Variants in CFAP58 observed in about 807,000 individuals in gnomAD.
CFAP58 encodes cilia and flagella associated protein 58, also known as cilia- and flagella-associated protein 58.
CFAP58 carries 88 observed loss-of-function variants against 119.5 expected under a neutral mutation model. That is an observed-to-expected ratio of 0.74 (90% CI 0.62 to 0.88). The LOEUF (loss-of-function observed/expected upper bound fraction) is 0.88. Ranked by LOEUF, CFAP58 falls within the 40% of genes least tolerant of loss-of-function variation. CFAP58 has a pLI of 0.00. For missense variants in CFAP58, 990 were observed against 1,021.2 expected (o/e 0.97, Z 0.42); for synonymous variants, 365 against 366.3 (o/e 1.00, Z 0.04).
At chr10:104,359,333 C>T (rs2014636851) in intron 2 of CFAP58, among the ~76,000 whole-genome samples, 1 of 152,178 alleles carries the variant, frequency 6.6e-6, no homozygotes, top group Non-Finnish European at 1.5e-5. Flanking sequence ...CCATCCAGTT[C>T]AAATGAATTT....
At chr10:104,347,580 G>A in the CFAP58 span, among the ~76,000 whole-genome samples, 17 of 152,122 alleles carry the variant, frequency 1.1e-4, no homozygotes, top group Middle Eastern at 3.4e-3. Context: ...TTACCATGTC[G>A]TTAAGGGCCC....
At chr10:104,363,877 C>G (rs2014704868) in intron 3 of CFAP58, among the ~76,000 whole-genome samples, 1 of 152,234 alleles carries the variant, frequency 6.6e-6, no homozygotes, top group Non-Finnish European at 1.5e-5. Context: ...GCTCCAAGAG[C>G]TGCCTTGCTC....
the CFAP58 span, among the ~76,000 whole-genome samples, chr10:104,348,734 T>C: frequency 6.6e-6 from 1 of 152,186 alleles, no homozygotes; most frequent in Non-Finnish European, 1.5e-5. Context: ...TTAACTTCCT[T>C]CCGTGTCTCT....
At chr10:104,409,850 T>TA (rs891962836) in intron 15 of CFAP58, among the ~76,000 whole-genome samples, 100 of 126,320 alleles carry the variant, frequency 7.9e-4, no homozygotes, top group African/African-American at 2.4e-3. Flanking sequence ...CTCTTGTAAT[T>TA]AAAAAAAAAT....
At chr10:104,356,108 G>C (rs528475547) in intron 1 of CFAP58, among the ~76,000 whole-genome samples, 2 of 152,194 alleles carry the variant, frequency 1.3e-5, no homozygotes, top group Non-Finnish European at 2.9e-5. Context: ...CTACATTGTG[G>C]TCTTTGCAAT....
the CFAP58 span, among the ~76,000 whole-genome samples, chr10:104,339,968 T>C: frequency 6.6e-6 from 1 of 152,198 alleles, no homozygotes; most frequent in African/African-American, 2.4e-5. Flanking sequence ...GAGTTCAGCG[T>C]TGTGCTGGAA....
At chr10:104,371,924 G>GT (rs768403350) in intron 7 of CFAP58, among the ~76,000 whole-genome samples, 5 of 152,136 alleles carry the variant, frequency 3.3e-5, no homozygotes, top group African/African-American at 4.8e-5. Context: ...CCAGGTGGCT[G>GT]TAAGTTGTCA....
At chr10:104,360,244 G>A (rs1176144065) in intron 2 of CFAP58, among the ~76,000 whole-genome samples, 1 of 152,212 alleles carries the variant, frequency 6.6e-6, no homozygotes, top group Non-Finnish European at 1.5e-5. Context: ...AAGCTGTTGT[G>A]TATTAGTTGG....
At chr10:104,379,958 C>CAG in intron 8 of CFAP58, 71 bp from the exon 9 acceptor site, 1 of 1,235,574 alleles carries the variant, frequency 8.1e-7, no homozygotes, top group Non-Finnish European at 1.1e-6. Context: ...AGAGATGAGG[C>CAG]AGAGGGTAAA....
chr10:104,353,929 T>G (rs774846637), intron 1 of CFAP58, 23 bp downstream of exon 1: 1 of 1,613,316 alleles, frequency 6.2e-7, no homozygotes, highest in East Asian at 2.2e-5. Flanking sequence ...CGCCCCTCTG[T>G]CGCCTTTCCC....
chr10:104,399,357 C>A lies in CFAP58; in HGVS notation c.1675-3C>A. Reference sequence around the variant, plus strand: ...TTTGCCTGTATCTTCCACTCTTTGTCAGGCTGAGCTGCAGAAGCTGAGACA... The same window carrying A: ...TTTGCCTGTATCTTCCACTCTTTGTAAGGCTGAGCTGCAGAAGCTGAGACA... On this transcript the variant is annotated splice_polypyrimidine_tract_variant and splice_region_variant and intron_variant, in intron 11 of 17. Transcript: ENST00000369704. The A allele has an allele frequency of 6.2e-7, 1 of 1,613,182 alleles. No homozygotes were observed. The highest frequency in any genetic ancestry group is 1.1e-5 in the South Asian group (1 of 90,938).
chr10:104,420,963 G>A (rs1270684847), intron 15 of CFAP58, among the ~76,000 whole-genome samples: 3 of 151,926 alleles, frequency 2.0e-5, no homozygotes, highest in African/African-American at 4.8e-5. Flanking sequence ...ATGTTGCTCA[G>A]GCTGGTCTTG....
the CFAP58 span, among the ~76,000 whole-genome samples, chr10:104,339,069 C>T: frequency 6.6e-6 from 1 of 152,078 alleles, no homozygotes; most frequent in Admixed American, 6.6e-5. Context: ...CCACCACGCC[C>T]GGCTAATTTT....
intron 17 of CFAP58, among the ~76,000 whole-genome samples, chr10:104,454,094 C>G (rs2013238303): frequency 6.6e-6 from 1 of 152,124 alleles, no homozygotes; most frequent in Admixed American, 6.6e-5. Context: ...ATTCTTCTGA[C>G]TGATCTTTGG....
upstream of CFAP58, among the ~76,000 whole-genome samples, chr10:104,350,893 C>G (rs2014451859): frequency 6.6e-6 from 1 of 152,140 alleles, no homozygotes; most frequent in African/African-American, 2.4e-5. Context: ...TGCAGGGCAC[C>G]TACTTATGAA....
chr10:104,371,204 T>G (rs1296635417), intron 7 of CFAP58, 150 bp downstream of exon 7: 2 of 624,206 alleles, frequency 3.2e-6, no homozygotes, highest in Non-Finnish European at 2.5e-6. Flanking sequence ...CAATATGGGG[T>G]GGGGTGGGGG....
chr10:104,398,778 C>A (rs2012207803), intron 11 of CFAP58, among the ~76,000 whole-genome samples: 1 of 152,170 alleles, frequency 6.6e-6, no homozygotes, highest in Non-Finnish European at 1.5e-5. Flanking sequence ...CTTATCCTCT[C>A]ATCTGGGTTG....
At chr10:104,358,880 A>G (rs1013192506) in intron 2 of CFAP58, among the ~76,000 whole-genome samples, 3 of 152,230 alleles carry the variant, frequency 2.0e-5, no homozygotes, top group African/African-American at 7.2e-5. Context: ...AGATTTAGAG[A>G]TAAGTAAATG....
At chr10:104,438,355 TTTTTTG>T (rs1564904808) in intron 15 of CFAP58, among the ~76,000 whole-genome samples, 1 of 38,796 alleles carries the variant, frequency 2.6e-5, no homozygotes. Flanking sequence ...TTTGTTTTTT[TTTTTTG>T]TTTTTTTTTT....
Sources: allele counts gnomAD v4.1 joint callset (sites outside exome capture counted in the v4.1 genomes callset), GRCh38; gene constraint gnomAD v4.1.1; transcripts MANE v1.5; gene names NCBI Gene and HGNC (gene_info 2026-07-23, HGNC 2026-07-21).